Variants in LSM12 observed in about 807,000 individuals in gnomAD.
The protein encoded by LSM12 is LSM12 homolog.
For missense variants in LSM12, 108 were observed against 238.9 expected, an observed-to-expected ratio of 0.45 and a Z score of 3.61; for synonymous variants, 74 against 87.3, an observed-to-expected ratio of 0.85 and a Z score of 0.85.
At chr17:44,046,389 T>C (rs1359932920) in intron 2 of LSM12, among the ~76,000 whole-genome samples, 1 of 152,068 alleles carries the variant, frequency 6.6e-6, no homozygotes, top group African/African-American at 2.4e-5. Flanking sequence ...GTAATTGTTT[T>C]CCTGCTAGTG....
chr17:44,039,190 G>A (rs1014769521), intron 3 of LSM12, among the ~76,000 whole-genome samples: 4 of 151,986 alleles, frequency 2.6e-5, no homozygotes, highest in Admixed American at 6.6e-5. Flanking sequence ...AAGTGGCTGG[G>A]ATTACAGGTA....
intron 3 of LSM12, among the ~76,000 whole-genome samples, chr17:44,039,670 C>T (rs555289142): frequency 5.9e-5 from 9 of 152,248 alleles, no homozygotes; most frequent in African/African-American, 1.9e-4. Flanking sequence ...CGTGAGCCAC[C>T]GCGCCCGGCC....
chr17:44,054,550 C>T (rs1481159290), intron 2 of LSM12, among the ~76,000 whole-genome samples: 2 of 152,182 alleles, frequency 1.3e-5, no homozygotes, highest in Non-Finnish European at 2.9e-5. Context: ...AAGCAATCTA[C>T]CCACCTCAAC....
Position 44,064,037 on chromosome 17 carries a change from G to C in LSM12, c.125-103C>G, listed in dbSNP as rs575504425. ...ACGATTCACACAAGGCTTGTAAAAG[G>C]CAGGCCAGGAGCATGAGGGCCTTAT... On this transcript the variant is annotated intron_variant, in intron 1 of 4. Coordinates refer to ENST00000293406, the MANE Select transcript of LSM12 (RefSeq NM_001371445.1). 2.2e-4 allele frequency: 292 copies of C among 1,352,886 alleles called. No homozygotes were observed. The Middle Eastern group carries it at 2.2e-3, about 10-fold the overall frequency. 83.8% of individuals were successfully genotyped at this position (1,352,886 alleles called of 1,614,324 possible).
intron 2 of LSM12, 92 bp downstream of exon 2, chr17:44,063,709 A>AAT: frequency 7.4e-7 from 1 of 1,349,236 alleles, no homozygotes; most frequent in Non-Finnish European, 9.8e-7. Context: ...AATTTTAAAA[A>AAT]ATAAAAAATA....
intron 3 of LSM12, among the ~76,000 whole-genome samples, 155 bp downstream of exon 3, chr17:44,039,992 C>T (rs1000916003): frequency 3.3e-5 from 5 of 152,208 alleles, no homozygotes; most frequent in Admixed American, 2.6e-4. Flanking sequence ...AAGGGGGCTA[C>T]AGCACCTGCA....
chr17:44,037,788 T>TC (rs2049434323), intron 3 of LSM12, among the ~76,000 whole-genome samples: 1 of 152,176 alleles, frequency 6.6e-6, no homozygotes, highest in African/African-American at 2.4e-5. Flanking sequence ...GCATCAGAGA[T>TC]CTGGAGAGCC....
chr17:44,049,209 CAAA>C (rs1482079150), intron 2 of LSM12, among the ~76,000 whole-genome samples: 7 of 152,068 alleles, frequency 4.6e-5, no homozygotes, highest in African/African-American at 1.7e-4. Context: ...ACAACAACAA[CAAA>C]AACAAAACGA....
chr17:44,065,661 A>G (rs1238338356), intron 1 of LSM12, among the ~76,000 whole-genome samples: 1 of 152,144 alleles, frequency 6.6e-6, no homozygotes, highest in East Asian at 1.9e-4. Context: ...TGCTACTTTC[A>G]AAAGGGAGGC....
At chr17:44,054,918 A>G (rs1209755556) in intron 2 of LSM12, among the ~76,000 whole-genome samples, 1 of 151,350 alleles carries the variant, frequency 6.6e-6, no homozygotes, top group African/African-American at 2.4e-5. Context: ...GGCTCACTGC[A>G]ACCTCTGCCT....
At chr17:44,050,509 C>T (rs2049629002) in intron 2 of LSM12, among the ~76,000 whole-genome samples, 2 of 149,496 alleles carry the variant, frequency 1.3e-5, no homozygotes, top group African/African-American at 2.5e-5. Context: ...AAAGCTTGTG[C>T]CTGAACATTT....
rs1254074216 is a variant in LSM12 at position 44,064,935 on chromosome 17, C to T, written c.125-1001G>A. Among the ~76,000 whole-genome samples the T allele has an allele frequency of 2.0e-5, 3 of 151,842 alleles. No homozygotes were observed. The East Asian group carries it at 5.8e-4, about 29-fold the overall frequency. ...GATCACGAGGTCAGGAGATCGAGAC[C>T]ATCTTGGCTAACACGGTGAAACCCC... On this transcript the variant is annotated intron_variant, in intron 1 of 4. Transcript: ENST00000293406.
chr17:44,055,783 C>A (rs2049705913), intron 2 of LSM12, among the ~76,000 whole-genome samples: 1 of 147,516 alleles, frequency 6.8e-6, no homozygotes, highest in Non-Finnish European at 1.5e-5. Flanking sequence ...AACCAAGAGC[C>A]CTGCTAATAG....
chr17:44,062,221 C>CAAAAAAA (rs529081923), intron 2 of LSM12, among the ~76,000 whole-genome samples: 1 of 63,890 alleles, frequency 1.6e-5, no homozygotes, highest in Non-Finnish European at 2.8e-5. Context: ...GACTCCGTCT[C>CAAAAAAA]AAAAAAAAAA....
Position 44,066,488 on chromosome 17 carries a change from A to C in LSM12, c.100T>G (p.Tyr34Asp). The C allele has an allele frequency of 3.2e-6, 5 of 1,546,446 alleles. No individual in the cohort carries two copies. The highest frequency in any genetic ancestry group is 4.4e-6 in the Non-Finnish European group (5 of 1,148,006). Residue 34 changes from tyrosine to aspartate, a missense_variant, in exon 1 of 5, where the codon TAC becomes GAC. By Grantham distance (160) the Tyr-to-Asp change is radical. Coordinates refer to ENST00000293406, the MANE Select transcript of LSM12 (RefSeq NM_001371445.1). Reference protein sequence around the residue: ...RLQGEVVAFDYQSKMLALKCP... With the variant: ...RLQGEVVAFDDQSKMLALKCP... ...CTTAAAGCCAGCATTTTGGATTGGT[A>C]GTCAAAGGCTACCACCTCGCCCTGC...
intron 2 of LSM12, among the ~76,000 whole-genome samples, chr17:44,052,861 C>G (rs1016293716): frequency 1.3e-5 from 2 of 151,360 alleles, no homozygotes; most frequent in African/African-American, 2.4e-5. Context: ...TAAATCACCA[C>G]TCTGGCCTGG....
In LSM12 at chr17:44,037,541, G is replaced by A; in HGVS notation, c.369-3C>T. On this transcript the variant is annotated splice_polypyrimidine_tract_variant and splice_region_variant and intron_variant, in intron 3 of 4. Transcript: ENST00000293406. ...CTTGCCATTTACAGTCTTTAATGCT[G>A]GAAGGAGAAGACAGCAGGCGAAATG... 1.2e-6 allele frequency: 2 copies of A among 1,604,456 alleles called. No individual in the cohort carries two copies. Among genetic ancestry groups the A allele is most frequent in the Non-Finnish European group, 1.7e-6 (2 of 1,175,940 alleles).
intron 2 of LSM12, among the ~76,000 whole-genome samples, chr17:44,041,676 T>C (rs1444636070): frequency 1.3e-5 from 2 of 152,188 alleles, no homozygotes; most frequent in East Asian, 3.8e-4. Context: ...TAAAATCTGG[T>C]AGTCTACTAC....
intron 1 of LSM12, among the ~76,000 whole-genome samples, chr17:44,065,705 T>G (rs1284146357): frequency 6.6e-6 from 1 of 152,130 alleles, no homozygotes; most frequent in Non-Finnish European, 1.5e-5. Flanking sequence ...TGTGCTGGAC[T>G]GATCAAGGCA....
Sources: allele counts gnomAD v4.1 joint callset (sites outside exome capture counted in the v4.1 genomes callset), GRCh38; gene constraint gnomAD v4.1.1; transcripts MANE v1.5; gene names NCBI Gene and HGNC (gene_info 2026-07-23, HGNC 2026-07-21).